The following VEGFD variants were observed in gnomAD, a reference collection of about 807,000 sequenced individuals.
The protein encoded by VEGFD is c-fos induced growth factor (vascular endothelial growth factor D).
A neutral mutation model predicts 28.0 loss-of-function variants in VEGFD; 26 were observed. The ratio of observed to expected loss-of-function variants is 0.93; its 90% CI spans 0.68 to 1.29. The LOEUF is 1.29. VEGFD is among the 50% of genes most tolerant of loss of function. VEGFD has a pLI of 0.00. For missense variants in VEGFD, 294 were observed against 273.4 expected (o/e 1.08, Z -0.53); for synonymous variants, 93 against 95.5 (o/e 0.97, Z 0.15).
rs192247631 is a variant in VEGFD, at chrX:15,384,246, A to C, written c.-300T>G. ...TTAGAAAGCACTCTAAATTTACTTC[A>C]TGTCCAGAAAATTAAAAAAATCTCT... is the stretch of plus-strand genomic sequence containing the variant. On this transcript the variant is annotated 5_prime_UTR_variant, in exon 1 of 7. An upstream start codon of the reference 5' UTR is lost. Coordinates refer to ENST00000297904, the MANE Select transcript of VEGFD (RefSeq NM_004469.5). 8 of 196,315 alleles carry C rather than the reference A, an allele frequency of 4.1e-5. No individual in the cohort carries two copies. The highest frequency in any genetic ancestry group is 2.9e-4 in the Admixed American group (4 of 13,974). 16.2% of individuals were successfully genotyped at this position (196,315 alleles called of 1,213,427 possible).
chrX:15,355,393 G>A (rs767897793), intron 3 of VEGFD, 95 bp from the exon 4 acceptor site: 454 of 718,532 alleles, frequency 6.3e-4, no homozygotes, highest in Non-Finnish European at 8.0e-4. Context: ...TGTCATTTAC[G>A]GCAATGACTT....
intron 2 of VEGFD, among the ~76,000 whole-genome samples, chrX:15,361,793 A>G (rs1923018260): frequency 8.9e-6 from 1 of 111,749 alleles, no homozygotes; most frequent in Non-Finnish European, 1.9e-5. Context: ...CTTGACAAGC[A>G]TTTTATTCAT....
chrX:15,354,851 T>C (rs1212551935), intron 4 of VEGFD, among the ~76,000 whole-genome samples: 2 of 111,615 alleles, frequency 1.8e-5, no homozygotes, highest in African/African-American at 6.5e-5. Context: ...GTGCTAAATT[T>C]GAGGTTACAG....
intron 3 of VEGFD, among the ~76,000 whole-genome samples, chrX:15,357,239 G>A (rs1295586120): frequency 5.4e-5 from 6 of 111,886 alleles, no homozygotes; most frequent in Non-Finnish European, 1.1e-4. Flanking sequence ...GGGGACTGCA[G>A]AATTATTTCC....
intron 1 of VEGFD, among the ~76,000 whole-genome samples, chrX:15,376,558 T>C (rs1396048826): frequency 1.8e-5 from 2 of 112,216 alleles, no homozygotes; most frequent in African/African-American, 6.5e-5. Flanking sequence ...AAAACTTTAT[T>C]GTCCCTTCTA....
chrX:15,350,837 T>TCCTTTTTC (rs1922685218), intron 5 of VEGFD, among the ~76,000 whole-genome samples: 2 of 62,045 alleles, frequency 3.2e-5, no homozygotes, highest in Non-Finnish European at 6.3e-5. Flanking sequence ...TTCTTTTCTT[T>TCCTTTTTC]TCTTTTTCTC....
At chrX:15,363,445 G>A in intron 1 of VEGFD, 126 bp from the exon 2 acceptor site, 1 of 540,013 alleles carries the variant, frequency 1.9e-6, no homozygotes, top group Non-Finnish European at 2.9e-6. Flanking sequence ...TGAAACGTAT[G>A]CCAGTGCCTA....
chrX:15,366,058 G>A (rs1176105816), intron 1 of VEGFD, among the ~76,000 whole-genome samples: 1 of 111,832 alleles, frequency 8.9e-6, no homozygotes, highest in Non-Finnish European at 1.9e-5. Context: ...CCAGGCTAGA[G>A]TGCAGTGGCG....
Position 15,346,297 on chromosome X carries a change from A to G in VEGFD, c.939-38T>C, listed in dbSNP as rs768473606. On this transcript the variant is annotated intron_variant, in intron 6 of 6. Coordinates refer to ENST00000297904, the MANE Select transcript of VEGFD (RefSeq NM_004469.5). ...AAAATAAAGATGAGAATTCAGAATC[A>G]ATGACTGGATTCAAAAGAATAACTC... The G allele has an allele frequency of 2.5e-6, 3 of 1,181,867 alleles. No individual in the cohort carries two copies. The South Asian group carries it at 5.5e-5, about 22-fold the overall frequency.
In VEGFD at chrX:15,351,027, A is replaced by ATTTTTTTTT. The variant is rs35997805; in HGVS notation, c.742+2032_742+2040dup. ...CAGGCGCACATCACCATGCCCAGCT[A>ATTTTTTTTT]TTTTTTTTTTTTTTTTTTTTTTTTT... On this transcript the variant is annotated intron_variant, in intron 5 of 6. Transcript: ENST00000297904. Among the ~76,000 whole-genome samples the ATTTTTTTTT allele has an allele frequency of 1.1e-3, 16 of 14,756 alleles. 4 individuals carry two copies. Among genetic ancestry groups the ATTTTTTTTT allele is most frequent in the Admixed American group, 2.6e-3 (2 of 776 alleles). 12.8% of individuals were successfully genotyped at this position (14,756 alleles called of 115,157 possible).
At chrX:15,362,293 C>T (rs955807902) in intron 2 of VEGFD, among the ~76,000 whole-genome samples, 4 of 111,793 alleles carry the variant, frequency 3.6e-5, no homozygotes, top group African/African-American at 9.8e-5. Context: ...CTTCATTATT[C>T]TCCTAGCAAT....
chrX:15,383,922 T>A lies in VEGFD; in HGVS notation c.25A>T (p.Asn9Tyr), dbSNP rs779885064. The A allele has an allele frequency of 8.3e-7, 1 of 1,203,823 alleles. No individual in the cohort carries two copies. The highest frequency in any genetic ancestry group is 2.2e-5 in the Admixed American group (1 of 46,023). ...TGGACGTACAACATCATGAAAACATTCACCACTACCCACTCTCTGTACATT... is the reference window on the plus strand; with the variant it reads ...TGGACGTACAACATCATGAAAACATACACCACTACCCACTCTCTGTACATT... MYREWVVV[N>Y]VFMMLYVQLV... is the part of the protein sequence containing the mutation. The change falls in exon 1 of 7, where the codon AAT (asparagine) becomes TAT (tyrosine). Residue 9 changes from asparagine (N) to tyrosine (Y), a missense_variant. Coordinates refer to ENST00000297904, the MANE Select transcript of VEGFD (RefSeq NM_004469.5).
intron 2 of VEGFD, among the ~76,000 whole-genome samples, chrX:15,361,721 C>T (rs1030954880): frequency 1.8e-5 from 2 of 112,154 alleles, no homozygotes; most frequent in African/African-American, 6.5e-5. Context: ...GTAGCAGCTT[C>T]TTGTGTTGTT....
At chrX:15,347,507 G>T in intron 5 of VEGFD, 148 bp from the exon 6 acceptor site, 1 of 381,420 alleles carries the variant, frequency 2.6e-6, no homozygotes, top group African/African-American at 2.6e-5. Context: ...TTTTTCACAG[G>T]GTGAGGAAGA....
chrX:15,360,783 CAAG>C, intron 2 of VEGFD, among the ~76,000 whole-genome samples: 1 of 112,387 alleles, frequency 8.9e-6, no homozygotes, highest in East Asian at 2.8e-4. Context: ...CTTGAAAAAA[CAAG>C]AAACCAACCT....
intron 1 of VEGFD, among the ~76,000 whole-genome samples, chrX:15,367,993 A>G (rs901575620): frequency 5.5e-5 from 5 of 91,008 alleles, no homozygotes; most frequent in African/African-American, 2.1e-4. Flanking sequence ...AGAAAAAGAA[A>G]GAAAGAAAGA....
intron 1 of VEGFD, among the ~76,000 whole-genome samples, chrX:15,382,034 G>A (rs1469878278): frequency 8.9e-6 from 1 of 111,744 alleles, no homozygotes; most frequent in Non-Finnish European, 1.9e-5. Flanking sequence ...AAACTTCACA[G>A]TGCCAGCCGG....
At position 15,363,098 on chromosome X, in the gene VEGFD, C is replaced by T. The variant is rs2147743032; in HGVS notation, c.301+11G>A. On this transcript the variant is annotated intron_variant, in intron 2 of 6. Transcript: ENST00000297904. ...AAGAGAAAGAATTTGTCTCCACATC[C>T]ACACACCTACCTTTTAGTGTTTCAA... The T allele has an allele frequency of 2.5e-6, 3 of 1,202,886 alleles. No individual in the cohort carries two copies. Among genetic ancestry groups the T allele is most frequent in the East Asian group, 5.9e-5 (2 of 33,796 alleles).
chrX:15,347,819 G>A (rs1248091010), intron 5 of VEGFD, among the ~76,000 whole-genome samples: 1 of 111,711 alleles, frequency 9.0e-6, no homozygotes, highest in Non-Finnish European at 1.9e-5. Context: ...AGCAATGCAT[G>A]TCCTCACTGC....
Sources: allele counts gnomAD v4.1 joint callset (sites outside exome capture counted in the v4.1 genomes callset), GRCh38; gene constraint gnomAD v4.1.1; transcripts MANE v1.5; gene names NCBI Gene and HGNC (gene_info 2026-07-23, HGNC 2026-07-21).